NFIB: variants seen among roughly 807,000 people sequenced by gnomAD.
NFIB encodes nuclear factor 1 B-type.
In NFIB, 11 loss-of-function variants were observed where a neutral mutation model predicts 61.5. The observed-to-expected ratio is 0.18, with a 90% confidence interval of 0.11 to 0.30. The LOEUF is 0.30. Ranked by LOEUF, NFIB falls within the 10% of genes least tolerant of loss-of-function variation. The probability of loss-of-function intolerance (pLI) is 1.00; values close to 1 mark genes in which losing one functional copy is unlikely to be tolerated. For missense variants in NFIB, 471 were observed against 608.9 expected, an observed-to-expected ratio of 0.77 and a Z score of 2.38; for synonymous variants, 260 against 216.5, an observed-to-expected ratio of 1.20 and a Z score of -1.76.
chr9:14,368,153 T>G (rs1261652972), intron 1 of NFIB, among the ~76,000 whole-genome samples: 1 of 5,660 alleles, frequency 1.8e-4, no homozygotes, highest in Non-Finnish European at 2.8e-4. Flanking sequence ...TAAAGTAAGA[T>G]TAAAAAAAAA....
At chr9:14,213,294 G>T (rs1171118879) in intron 2 of NFIB, among the ~76,000 whole-genome samples, 1 of 150,564 alleles carries the variant, frequency 6.6e-6, no homozygotes, top group South Asian at 2.1e-4. Context: ...CTATCCACCA[G>T]CAGGTTGATC....
intron 1 of NFIB, among the ~76,000 whole-genome samples, chr9:14,365,231 A>G (rs2061286863): frequency 6.6e-6 from 1 of 152,252 alleles, no homozygotes; most frequent in Non-Finnish European, 1.5e-5. Context: ...TATGTTTGTC[A>G]TCTCTAAAAT....
At chr9:14,172,391 G>C (rs1232014203) in intron 3 of NFIB, among the ~76,000 whole-genome samples, 1 of 152,056 alleles carries the variant, frequency 6.6e-6, no homozygotes, top group Admixed American at 6.6e-5. Context: ...AGTTTCAATA[G>C]ACACAGAAAG....
Position 14,307,127 on chromosome 9 carries a change from G to C in NFIB, c.424C>G (p.Pro142Ala). ...LVMVILFKGI[P>A]LESTDGERLM... ...CGCTCTCCATCGGTACTTTCCAAGG[G>C]GATGCCTTTGAACAGGATCACCATG... Residue 142 changes from proline (P) to alanine (A), a missense_variant, in exon 2 of 11, where the codon CCC becomes GCC. Around this residue, in one of 2 missense-constraint regions of NFIB, gnomAD observed 99 missense variants for 213.3 expected, o/e 0.46. Coordinates refer to ENST00000380953, the MANE Select transcript of NFIB (RefSeq NM_001190737.2). The surrounding 1 kb of genome is among the most constrained non-coding windows in gnomAD (Gnocchi z 5.3). 1 of 1,614,098 alleles carries C rather than the reference G, an allele frequency of 6.2e-7. No individual in the cohort carries two copies. Among genetic ancestry groups the C allele is most frequent in the Non-Finnish European group, 8.5e-7 (1 of 1,180,008 alleles).
chr9:14,091,877 C>T (rs920457374), intron 10 of NFIB, among the ~76,000 whole-genome samples: 3 of 152,000 alleles, frequency 2.0e-5, no homozygotes, highest in Non-Finnish European at 2.9e-5. Flanking sequence ...ATGACTATTA[C>T]TATGCATATA....
the NFIB span, among the ~76,000 whole-genome samples, chr9:14,408,146 C>A: frequency 6.6e-6 from 1 of 152,138 alleles, no homozygotes; most frequent in Non-Finnish European, 1.5e-5. Context: ...TAAAGATGCA[C>A]ATGGCAATAA....
In NFIB at chr9:14,083,340, C is replaced by T. The variant is rs1472294729; in HGVS notation, c.*4969G>A. 3.1e-5 allele frequency: 7 copies of T among 227,192 alleles called. No homozygotes were observed. In the Admixed American group the frequency reaches 4.0e-4, roughly 13 times the overall value. 14.1% of individuals were successfully genotyped at this position (227,192 alleles called of 1,614,324 possible). A position where few individuals can be genotyped will look rare whatever the true frequency, so the allele number is the denominator to read the frequency against. ...CAACTGCAGGGCTCCACTCCACCCA[C>T]ACAATTTTAGGGAATTAGAAAAAAC... On this transcript the variant is annotated 3_prime_UTR_variant, in exon 11 of 11. Transcript: ENST00000380953.
At chr9:14,109,462 C>T (rs577223293) in intron 10 of NFIB, among the ~76,000 whole-genome samples, 25 of 152,118 alleles carry the variant, frequency 1.6e-4, no homozygotes, top group African/African-American at 5.1e-4. Context: ...AGACATTTCT[C>T]AGCAGAGACT....
At chr9:14,333,336 T>G (rs573817847) in intron 1 of NFIB, among the ~76,000 whole-genome samples, 18 of 152,322 alleles carry the variant, frequency 1.2e-4, no homozygotes, top group South Asian at 6.2e-4. Context: ...GAGGCAGGAT[T>G]TGAACCTAGG....
chr9:14,229,949 T>TGCCA (rs1158601704), intron 2 of NFIB, among the ~76,000 whole-genome samples: 18 of 152,164 alleles, frequency 1.2e-4, no homozygotes. Context: ...TACAGGCATA[T>TGCCA]GCCACCATGT....
At chr9:14,311,818 T>C (rs1176714688) in intron 1 of NFIB, among the ~76,000 whole-genome samples, 1 of 152,216 alleles carries the variant, frequency 6.6e-6, no homozygotes, top group African/African-American at 2.4e-5. Flanking sequence ...TGCTATACTC[T>C]GTAAGTGAAA....
intron 1 of NFIB, among the ~76,000 whole-genome samples, chr9:14,323,744 T>C (rs2060714774): frequency 6.6e-6 from 1 of 152,200 alleles, no homozygotes; most frequent in African/African-American, 2.4e-5. Context: ...CCTAGAGAAC[T>C]TAAACGACAT....
At chr9:14,318,909 C>T (rs756858174), upstream of NFIB, among the ~76,000 whole-genome samples, 1 of 152,134 alleles carries the variant, frequency 6.6e-6, no homozygotes, top group Non-Finnish European at 1.5e-5. Flanking sequence ...CTACTGAGTA[C>T]TACTACTACT....
chr9:14,311,849 A>G (rs1307819779), intron 1 of NFIB, among the ~76,000 whole-genome samples: 1 of 152,178 alleles, frequency 6.6e-6, no homozygotes, highest in Non-Finnish European at 1.5e-5. Context: ...GATTTGTTTT[A>G]TTTGATCACG....
intron 1 of NFIB, among the ~76,000 whole-genome samples, chr9:14,320,297 A>G (rs1421012096): frequency 6.6e-6 from 1 of 152,190 alleles, no homozygotes; most frequent in East Asian, 1.9e-4. Context: ...CCAGTGCACA[A>G]GAATGCAGTC....
At position 14,307,666 on chromosome 9, in the gene NFIB, T is replaced by G; in HGVS notation, c.31-146A>C. 1 of 847,842 alleles carries G rather than the reference T, an allele frequency of 1.2e-6. No individual in the cohort carries two copies. The highest frequency in any genetic ancestry group is 2.8e-5 in the East Asian group (1 of 36,032). The allele number at this position is 847,842 out of a possible 1,614,324, so 52.5% of individuals were successfully genotyped here. A position where few individuals can be genotyped will look rare whatever the true frequency, so the allele number is the denominator to read the frequency against. ...AATAACATTCCTTTCTTATTTAAAA[T>G]TATCAAAATAACAGGACAAGAAGAA... On this transcript the variant is annotated intron_variant, in intron 1 of 10. Coordinates refer to ENST00000380953, the MANE Select transcript of NFIB (RefSeq NM_001190737.2). The surrounding 1 kb of genome is among the most constrained non-coding windows in gnomAD (Gnocchi z 5.3).
intron 2 of NFIB, among the ~76,000 whole-genome samples, chr9:14,225,364 G>A (rs1391444201): frequency 1.3e-5 from 2 of 149,952 alleles, no homozygotes; most frequent in African/African-American, 4.9e-5. Context: ...GGCTGAGGCA[G>A]GAGAATGGCG....
At chr9:14,225,456 C>CAAAAAA (rs1228589594) in intron 2 of NFIB, among the ~76,000 whole-genome samples, 56 of 57,926 alleles carry the variant, frequency 9.7e-4, no homozygotes, top group African/African-American at 1.8e-3. Flanking sequence ...GACTCCGTCT[C>CAAAAAA]AAAAAAAAAA....
chr9:14,411,171 CTTCCCACAAAGTCACTTCTT>C, the NFIB span, among the ~76,000 whole-genome samples: 1 of 152,218 alleles, frequency 6.6e-6, no homozygotes, highest in Admixed American at 6.5e-5. Context: ...AACCTTCAGA[CTTCCCACAAAGTCACTTCTT>C]TTCCCACAAA....
Sources: allele counts gnomAD v4.1 joint callset (sites outside exome capture counted in the v4.1 genomes callset), GRCh38; gene constraint gnomAD v4.1.1; regional missense constraint gnomAD v4.1.1; non-coding constraint Gnocchi (gnomAD v3.1); transcripts MANE v1.5; gene names NCBI Gene and HGNC (gene_info 2026-07-23, HGNC 2026-07-21).